The following THSD1 variants were observed in gnomAD, a reference collection of about 807,000 sequenced individuals.
THSD1 encodes the protein thrombospondin type 1 domain containing 1, also known as thrombospondin type-1 domain-containing protein 1.
THSD1 carries 34 observed loss-of-function variants against 46.3 expected under a neutral mutation model. The ratio of observed to expected loss-of-function variants is 0.74; its 90% CI spans 0.56 to 0.98. The LOEUF is 0.98. Ranked by LOEUF, THSD1 falls within the 50% of genes least tolerant of loss-of-function variation. THSD1 has a pLI of 0.00. For missense variants in THSD1, 1,023 were observed against 1,058.3 expected, an observed-to-expected ratio of 0.97 and a Z score of 0.46; for synonymous variants, 407 against 416.5, an observed-to-expected ratio of 0.98 and a Z score of 0.28.
chr13:52,381,146 A>G (rs1252856420), intron 4 of THSD1, among the ~76,000 whole-genome samples: 1 of 151,984 alleles, frequency 6.6e-6, no homozygotes, highest in Non-Finnish European at 1.5e-5. Flanking sequence ...TCTGCCAGAC[A>G]CTTCCCAACC....
chr13:52,402,383 A>G (rs1483331890), intron 2 of THSD1, among the ~76,000 whole-genome samples, 160 bp downstream of exon 2: 2 of 152,226 alleles, frequency 1.3e-5, no homozygotes, highest in African/African-American at 4.8e-5. Flanking sequence ...TCACTGAAGC[A>G]TAAGAGAACC....
At position 52,398,155 on chromosome 13, in the gene THSD1, C is replaced by T; in HGVS notation, c.98G>A (p.Gly33Asp). 6.2e-7 allele frequency: 1 copy of T among 1,614,010 alleles called. No individual in the cohort carries two copies. Among genetic ancestry groups the T allele is most frequent in the African/African-American group, 1.3e-5 (1 of 75,006 alleles). Residue 33 changes from glycine (G) to aspartate (D), a missense_variant, in exon 3 of 5, where the codon GGC becomes GAC. This residue lies in a region of THSD1 where 429 missense variants were observed against 518.3 expected (regional missense o/e 0.83). Coordinates refer to ENST00000258613, the MANE Select transcript of THSD1 (RefSeq NM_018676.4). ...TGTGTCGTTGCTTAGTGCTACATGGCCTGGCTCTCTCAAGAGAAGATATTC... is the reference window on the plus strand; with the variant it reads ...TGTGTCGTTGCTTAGTGCTACATGGTCTGGCTCTCTCAAGAGAAGATATTC... ...EAEYLLLREP[G>D]HVALSNDTVY...
intron 2 of THSD1, among the ~76,000 whole-genome samples, chr13:52,398,946 C>T (rs1027443995): frequency 4.6e-5 from 7 of 152,162 alleles, no homozygotes; most frequent in African/African-American, 7.2e-5. Context: ...TTATTATTTA[C>T]TGATATTCAA....
chr13:52,404,660 C>G (rs1165512230), intron 1 of THSD1, among the ~76,000 whole-genome samples: 1 of 152,196 alleles, frequency 6.6e-6, no homozygotes, highest in Non-Finnish European at 1.5e-5. Context: ...ATCACTTGGG[C>G]AAGTGTGAGC....
chr13:52,377,170 G>T lies in THSD1; in HGVS notation c.*241C>A, dbSNP rs960350074. 4 of 1,236,258 alleles carry T rather than the reference G, an allele frequency of 3.2e-6. No homozygotes were observed. In the African/African-American group the frequency reaches 4.5e-5, roughly 14 times the overall value. 76.6% of individuals were successfully genotyped at this position (1,236,258 alleles called of 1,614,324 possible). ...CCACATGACAGACCAAGCCCCATTTGCTCATTTACATTTTATTATCATTGT... is the reference window on the plus strand; with the variant it reads ...CCACATGACAGACCAAGCCCCATTTTCTCATTTACATTTTATTATCATTGT... On this transcript the variant is annotated 3_prime_UTR_variant, in exon 5 of 5. Transcript: ENST00000258613.
At chr13:52,398,286 T>C (rs1957827140) in intron 2 of THSD1, 92 bp from the exon 3 acceptor site, 4 of 1,511,458 alleles carry the variant, frequency 2.6e-6, no homozygotes, top group African/African-American at 2.8e-5. Context: ...TAAATTTTTT[T>C]TTGAGACAGG....
Position 52,378,638 on chromosome 13 carries a change from C to G in THSD1, c.1332G>C (p.Lys444Asn). ...TLWRRFGRPA[K>N]CSTPARHNSI... ...AGTTGTGTCGAGCAGGTGTGCTGCA[C>G]TTGGCTGGCCGGCCGAACCTCCTCC... The change falls in exon 5 of 5, where the codon AAG (lysine) becomes AAC (asparagine). Residue 444 changes from lysine (K) to asparagine (N), a missense_variant. Physicochemically the swap from Lys to Asn is moderately conservative, Grantham distance 94 (BLOSUM62 0). Transcript: ENST00000258613. The G allele has an allele frequency of 3.1e-6, 5 of 1,614,100 alleles. No homozygotes were observed. The highest frequency in any genetic ancestry group is 4.2e-6 in the Non-Finnish European group (5 of 1,180,010).
chr13:52,383,799 A>G (rs1007259055), intron 4 of THSD1, among the ~76,000 whole-genome samples: 1 of 152,252 alleles, frequency 6.6e-6, no homozygotes, highest in African/African-American at 2.4e-5. Context: ...ATTTTTATCC[A>G]CATAAGCAAT....
chr13:52,402,618 C>G lies in THSD1; in HGVS notation c.-18G>C. 6.2e-7 allele frequency: 1 copy of G among 1,613,696 alleles called. No homozygotes were observed. Among genetic ancestry groups the G allele is most frequent in the Non-Finnish European group, 8.5e-7 (1 of 1,179,800 alleles). ...GGTTTCATTCTGATTGACAAAATCC[C>G]AGGTCTTTAGTCTCCTCATGTCCTT... On this transcript the variant is annotated 5_prime_UTR_variant, in exon 2 of 5. Coordinates refer to ENST00000258613, the MANE Select transcript of THSD1 (RefSeq NM_018676.4).
chr13:52,391,337 C>T (rs943078517), intron 3 of THSD1, among the ~76,000 whole-genome samples: 2 of 151,590 alleles, frequency 1.3e-5, no homozygotes, highest in Non-Finnish European at 1.5e-5. Context: ...CCTACCTCAG[C>T]CTCCCGAGTA....
In THSD1 at chr13:52,378,344, C is replaced by G. The variant is rs755658230; in HGVS notation, c.1626G>C (p.Lys542Asn). 5 of 1,614,176 alleles carry G rather than the reference C, an allele frequency of 3.1e-6. No individual in the cohort carries two copies. The highest frequency in any genetic ancestry group is 1.1e-5 in the South Asian group (1 of 91,084). The change falls in exon 5 of 5, where the codon AAG (lysine) becomes AAC (asparagine). Residue 542 changes from lysine to asparagine, a missense_variant. Transcript: ENST00000258613. ...LAQQQLKEMK[K>N]KGLTETTKVY... is the part of the protein sequence containing the mutation. ...CTTTGGTAGTTTCCGTCAGACCTTTCTTTTTCATCTCCTTTAACTGCTGCT... is the reference window on the plus strand; with the variant it reads ...CTTTGGTAGTTTCCGTCAGACCTTTGTTTTTCATCTCCTTTAACTGCTGCT...
In THSD1 at chr13:52,377,492, C is replaced by T. The variant is rs1321738476; in HGVS notation, c.2478G>A (p.Met826Ile). 7.6e-6 allele frequency: 12 copies of T among 1,582,380 alleles called. No individual in the cohort carries two copies. The highest frequency in any genetic ancestry group is 8.6e-6 in the Non-Finnish European group (10 of 1,157,672). ...ACCCAAAATATCCTGGGAGGTCCAG[C>T]ATCCTCTGCTCAGCCTCAGTGAGGC... ...SFGLTEAEQR[M>I]LDLPGYFGSN... Residue 826 changes from methionine (M) to isoleucine (I), a missense_variant, in exon 5 of 5, where the codon ATG becomes ATA. Coordinates refer to ENST00000258613, the MANE Select transcript of THSD1 (RefSeq NM_018676.4).
chr13:52,397,894 C>T lies in THSD1; in HGVS notation c.359G>A (p.Ser120Asn). The T allele has an allele frequency of 1.2e-6, 2 of 1,614,270 alleles. No homozygotes were observed. The highest frequency in any genetic ancestry group is 8.5e-7 in the Non-Finnish European group (1 of 1,180,052). The change falls in exon 3 of 5, where the codon AGT becomes AAT. Residue 120 changes from serine to asparagine, a missense_variant. Physicochemically the swap from Ser to Asn is conservative, Grantham distance 46 (BLOSUM62 1). This residue lies in a region of THSD1 where 429 missense variants were observed against 518.3 expected (regional missense o/e 0.83). Transcript: ENST00000258613. ...AGGCCATTCCACCTTCAGAAAGGCA[C>T]TTTTCTCCCACCAGGGGAATGGAGT... is the stretch of plus-strand genomic sequence containing the variant. ...NSTPFPWWEK[S>N]AFLKVEWPVF...
Position 52,378,529 on chromosome 13 carries a change from C to A in THSD1, c.1441G>T (p.Gly481Trp). 2 of 1,614,196 alleles carry A rather than the reference C, an allele frequency of 1.2e-6. No homozygotes were observed. The highest frequency in any genetic ancestry group is 1.7e-6 in the Non-Finnish European group (2 of 1,180,040). ...LSEQRGSFSD[G>W]GDGPTGSPGD... ...GGACTCCCCGTGGGCCCGTCTCCCC[C>A]ATCCGAGAAGCTCCCGCGCTGCTCG... Residue 481 changes from glycine (G) to tryptophan (W), a missense_variant, in exon 5 of 5, where the codon GGG becomes TGG. By Grantham distance (184) the Gly-to-Trp change is radical. This residue lies in a region of THSD1 where 578 missense variants were observed against 497.4 expected (regional missense o/e 1.16). Transcript: ENST00000258613.
chr13:52,397,458 G>A lies in THSD1; in HGVS notation c.795C>T (p.Cys265=). ...GVEVTVLPPP[C]TFVQGVVTVF... is the part of the protein sequence containing the mutation. ...CAGTGACCACTCCTTGGACGAAGGT[G>A]CATGGTGGAGGCAGCACTGTCACCT... Residue 265 remains cysteine (C), a synonymous_variant, in exon 3 of 5, where the codon TGC becomes TGT. Transcript: ENST00000258613. 1.9e-6 allele frequency: 3 copies of A among 1,614,106 alleles called. No individual in the cohort carries two copies. Among genetic ancestry groups the A allele is most frequent in the Non-Finnish European group, 2.5e-6 (3 of 1,180,030 alleles).
chr13:52,400,426 T>C (rs570222011), intron 2 of THSD1, among the ~76,000 whole-genome samples: 1 of 152,150 alleles, frequency 6.6e-6, no homozygotes, highest in Admixed American at 6.5e-5. Flanking sequence ...GGTGAAACCC[T>C]GAATCTACTA....
intron 4 of THSD1, 24 bp from the exon 5 acceptor site, chr13:52,378,813 C>CA (rs1396498482): frequency 1.6e-5 from 25 of 1,537,948 alleles, no homozygotes; most frequent in East Asian, 2.3e-5. Flanking sequence ...CAAAACAAAA[C>CA]AAACAAACAA....
Position 52,378,762 on chromosome 13 carries a change from A to G in THSD1, c.1208T>C (p.Leu403Pro), listed in dbSNP as rs775348257. The change falls in exon 5 of 5, where the codon CTT becomes CCT. Residue 403 changes from leucine (L) to proline (P), a missense_variant. Physicochemically the swap from Leu to Pro is moderately conservative, Grantham distance 98 (BLOSUM62 -3). This residue lies in a region of THSD1 where 429 missense variants were observed against 518.3 expected (regional missense o/e 0.83). Coordinates refer to ENST00000258613, the MANE Select transcript of THSD1 (RefSeq NM_018676.4). ...AAFQPSSPSP[L>P]QPQGPVKSNN... ...GGACTTCACTGGACCCTGGGGCTGA[A>G]GAGGAGATGGGCTGGATGGCTGGAA... 1.2e-6 allele frequency: 2 copies of G among 1,607,694 alleles called. No individual in the cohort carries two copies. The highest frequency in any genetic ancestry group is 1.7e-5 in the Admixed American group (1 of 59,686).
At position 52,385,392 on chromosome 13, in the gene THSD1, C is replaced by T. The variant is rs139196727; in HGVS notation, c.1180+636G>A. ...CAAGCTGGGGCAAACCTAACTGAGCCGTGTGAGCAACATATCTATAGACTA... is the reference window on the plus strand; with the variant it reads ...CAAGCTGGGGCAAACCTAACTGAGCTGTGTGAGCAACATATCTATAGACTA... On this transcript the variant is annotated intron_variant, in intron 4 of 4. Transcript: ENST00000258613. 5.7e-3 allele frequency among the ~76,000 whole-genome samples: 861 copies of T among 152,260 alleles called. 4 individuals carry two copies. Among genetic ancestry groups the T allele is most frequent in the Non-Finnish European group, 8.0e-3 (543 of 68,014 alleles).
Sources: gnomAD v4.1 joint callset for allele counts (sites outside exome capture counted in the v4.1 genomes callset) on GRCh38, gnomAD v4.1.1 for gene constraint, gnomAD v4.1.1 regional missense constraint, MANE v1.5 for transcripts, NCBI Gene and HGNC (gene_info 2026-07-23, HGNC 2026-07-21) for gene names.